SLC29A4: variants seen among roughly 807,000 people sequenced by gnomAD.
SLC29A4 encodes the protein equilibrative nucleoside transporter 4.
A neutral mutation model predicts 43.9 loss-of-function variants in SLC29A4; 36 were observed. The ratio of observed to expected loss-of-function variants is 0.82; its 90% CI spans 0.63 to 1.08. The LOEUF (loss-of-function observed/expected upper bound fraction) is 1.08. SLC29A4 is among the 50% of genes least tolerant of loss of function. SLC29A4 has a pLI of 0.00. For missense variants in SLC29A4, 869 were observed against 755.3 expected (o/e 1.15, Z -1.77); for synonymous variants, 491 against 338.0 (o/e 1.45, Z -4.97).
intron 9 of SLC29A4, 96 bp downstream of exon 9, chr7:5,299,523 T>G: frequency 2.3e-6 from 3 of 1,302,862 alleles, no homozygotes; most frequent in South Asian, 2.8e-5. Flanking sequence ...GAGTGAAGGA[T>G]GCATGTGGCT....
chr7:5,298,256 G>A (rs149938170), intron 7 of SLC29A4, among the ~76,000 whole-genome samples: 6 of 152,316 alleles, frequency 3.9e-5, no homozygotes, highest in Non-Finnish European at 8.8e-5. Flanking sequence ...CAGGGCAGGG[G>A]TGCGTCCCTC....
At chr7:5,296,038 C>G (rs577298695) in intron 6 of SLC29A4, among the ~76,000 whole-genome samples, 81 of 152,258 alleles carry the variant, frequency 5.3e-4, no homozygotes, top group African/African-American at 1.9e-3. Context: ...CCCCAAGGCC[C>G]TCCCTCCCGG....
rs778041042 is a variant in SLC29A4 at position 5,296,942 on chromosome 7, C to G, written c.626C>G (p.Ala209Gly). The G allele has an allele frequency of 7.1e-6, 11 of 1,549,160 alleles. No individual in the cohort carries two copies. In the African/African-American group the frequency reaches 1.4e-4, roughly 19 times the overall value. ...TQGVMTGEST[A>G]GVMISLSRIL... ...CACTGTGCACGCCCCCCAGGCACGG[C>G]GGGCGTGATGATCTCTCTGAGCCGC... Residue 209 changes from alanine to glycine, a missense_variant, in exon 7 of 11, where the codon GCG becomes GGG. Transcript: ENST00000396872.
At chr7:5,297,301 G>C (rs1583671101) in intron 7 of SLC29A4, 103 bp downstream of exon 7, 1 of 1,323,776 alleles carries the variant, frequency 7.6e-7, no homozygotes, top group South Asian at 1.5e-5. Flanking sequence ...CTGCATCCCA[G>C]ACTGTGGTCT....
chr7:5,302,132 G>T (rs1389783248), intron 10 of SLC29A4, among the ~76,000 whole-genome samples: 1 of 152,050 alleles, frequency 6.6e-6, no homozygotes, highest in Admixed American at 6.6e-5. Context: ...TGTATTTTTA[G>T]TAGAGGTGAG....
chr7:5,294,870 C>T lies in SLC29A4; in HGVS notation c.555C>T (p.Ser185=), dbSNP rs1207208515. 6.8e-6 allele frequency: 11 copies of T among 1,612,374 alleles called. No individual in the cohort carries two copies. Among genetic ancestry groups the T allele is most frequent in the Non-Finnish European group, 8.5e-6 (10 of 1,179,720 alleles). The change falls in exon 6 of 11, where the codon TCC becomes TCT. Residue 185 remains serine, a synonymous_variant. Transcript: ENST00000396872. ...TCTCTCTCTCTTAAGTGCAGCAATC[C>T]AGCTTCTACGGGTACACGGGGATGC... ...TVAFGCTVQQ[S]SFYGYTGMLP...
chr7:5,299,403 C>T lies in SLC29A4; in HGVS notation c.1185C>T (p.Phe395=), dbSNP rs1481054697. 1 of 1,612,052 alleles carries T rather than the reference C, an allele frequency of 6.2e-7. No homozygotes were observed. ...TGCCCATCCTCATCATGGCTGTGTT[C>T]AACCTGTCAGACTTCGTGGGCAAGG... ...EWLPILIMAV[F]NLSDFVGKIL... The change falls in exon 9 of 11, where the codon TTC becomes TTT. Residue 395 remains phenylalanine (F), a synonymous_variant. Transcript: ENST00000396872.
intron 5 of SLC29A4, among the ~76,000 whole-genome samples, chr7:5,292,033 A>T (rs916764580): frequency 3.9e-5 from 6 of 152,242 alleles, no homozygotes; most frequent in African/African-American, 1.4e-4. Flanking sequence ...GCGTGTAGCC[A>T]CAGAGACTCT....
chr7:5,294,647 C>T (rs1417842513), intron 5 of SLC29A4, among the ~76,000 whole-genome samples: 3 of 152,166 alleles, frequency 2.0e-5, no homozygotes, highest in East Asian at 1.9e-4. Flanking sequence ...TTTCTGCAGA[C>T]GTTTCATCTG....
intron 1 of SLC29A4, among the ~76,000 whole-genome samples, 157 bp downstream of exon 1, chr7:5,283,239 C>T (rs994253494): frequency 1.3e-5 from 2 of 150,170 alleles, no homozygotes; most frequent in African/African-American, 2.4e-5. Flanking sequence ...GCCACCCCGG[C>T]CGCGTCCTGA....
intron 10 of SLC29A4, among the ~76,000 whole-genome samples, chr7:5,301,936 G>A (rs1212692892): frequency 6.6e-6 from 1 of 152,020 alleles, no homozygotes; most frequent in Admixed American, 6.5e-5. Context: ...GGAGGAAGCT[G>A]CAAGTCGGAG....
intron 2 of SLC29A4, among the ~76,000 whole-genome samples, chr7:5,288,340 C>T (rs1419795932): frequency 7.5e-6 from 1 of 133,018 alleles, no homozygotes; most frequent in Admixed American, 8.3e-5. Flanking sequence ...GAGTCTCACT[C>T]TGTCACCCGG....
chr7:5,292,554 C>T (rs1297615134), intron 5 of SLC29A4, among the ~76,000 whole-genome samples: 3 of 152,080 alleles, frequency 2.0e-5, no homozygotes, highest in African/African-American at 4.8e-5. Context: ...ACTTAAATTT[C>T]TCCCTAAGTA....
At position 5,299,115 on chromosome 7, in the gene SLC29A4, C is replaced by T. The variant is rs781661884; in HGVS notation, c.1010C>T (p.Pro337Leu). The T allele has an allele frequency of 1.9e-6, 3 of 1,610,304 alleles. No homozygotes were observed. Among genetic ancestry groups the T allele is most frequent in the Non-Finnish European group, 2.5e-6 (3 of 1,179,038 alleles). ...VPRPRVQRSW[P>L]TFRALLLHRY... ...CGGCCAAGGGTCCAGCGCAGCTGGC[C>T]CACCTTCAGAGGTGAGTGCGGGGAG... Residue 337 changes from proline to leucine, a missense_variant, in exon 8 of 11, where the codon CCC becomes CTC. Physicochemically the swap from Pro to Leu is moderately conservative, Grantham distance 98. Transcript: ENST00000396872.
intron 5 of SLC29A4, among the ~76,000 whole-genome samples, chr7:5,294,284 A>C (rs1023986717): frequency 6.6e-6 from 1 of 152,138 alleles, no homozygotes; most frequent in African/African-American, 2.4e-5. Context: ...CCCTGAGGCT[A>C]CTTCCAGGGC....
At chr7:5,284,987 C>T (rs1333170164) in intron 1 of SLC29A4, among the ~76,000 whole-genome samples, 1 of 152,156 alleles carries the variant, frequency 6.6e-6, no homozygotes, top group Non-Finnish European at 1.5e-5. Context: ...GTTCAGATGT[C>T]CTCCTGGGCT....
intron 1 of SLC29A4, among the ~76,000 whole-genome samples, chr7:5,283,495 G>A (rs1056362731): frequency 5.3e-5 from 8 of 152,154 alleles, no homozygotes; most frequent in African/African-American, 1.9e-4. Context: ...ACGGCCCAGG[G>A]GGTCTGTCCT....
chr7:5,301,710 G>A (rs1428293271), intron 10 of SLC29A4, among the ~76,000 whole-genome samples: 3 of 152,210 alleles, frequency 2.0e-5, no homozygotes. Context: ...TCCAGGTCTT[G>A]TTTGGACGGC....
At chr7:5,292,434 C>T (rs932221789) in intron 5 of SLC29A4, among the ~76,000 whole-genome samples, 8 of 151,994 alleles carry the variant, frequency 5.3e-5, no homozygotes, top group African/African-American at 1.9e-4. Flanking sequence ...TTTTTGAAAA[C>T]TAGTTTTTAT....
Sources: gnomAD v4.1 joint callset for allele counts (sites outside exome capture counted in the v4.1 genomes callset) on GRCh38, gnomAD v4.1.1 for gene constraint, MANE v1.5 for transcripts, NCBI Gene and HGNC (gene_info 2026-07-23, HGNC 2026-07-21) for gene names.